Variants in ENPP2 observed in about 807,000 individuals in gnomAD.
The protein encoded by ENPP2 is ectonucleotide pyrophosphatase/phosphodiesterase 2.
ENPP2 carries 51 observed loss-of-function variants against 120.2 expected under a neutral mutation model. That is an observed-to-expected ratio of 0.42 (90% CI 0.34 to 0.54). The LOEUF is 0.54. Ranked by LOEUF, ENPP2 falls within the 20% of genes least tolerant of loss-of-function variation. The pLI is 0.04. For synonymous variants in ENPP2, 365 were observed against 366.4 expected (o/e 1.00, Z 0.04); for missense variants, 920 against 1,066.5 (o/e 0.86, Z 1.91).
chr8:119,584,752 C>G lies in ENPP2; in HGVS notation c.1368-703G>C, dbSNP rs564937836. Among the ~76,000 whole-genome samples the G allele has an allele frequency of 3.3e-5, 5 of 152,286 alleles. No individual in the cohort carries two copies. In the South Asian group the frequency reaches 1.0e-3, roughly 32 times the overall value. On this transcript the variant is annotated intron_variant, in intron 15 of 24. Transcript: ENST00000075322. ...GACCATCTGATCTTTCCTTTTGTGA[C>G]AGAAGACACCTTTTGCAAAAGTGTC...
At chr8:119,600,097 G>T (rs942382877) in intron 11 of ENPP2, among the ~76,000 whole-genome samples, 11 of 152,050 alleles carry the variant, frequency 7.2e-5, no homozygotes, top group Non-Finnish European at 1.5e-4. Context: ...TACTTTGGGG[G>T]GGTGATGACT....
At chr8:119,609,265 C>A (rs1166530519) in intron 8 of ENPP2, among the ~76,000 whole-genome samples, 1 of 152,130 alleles carries the variant, frequency 6.6e-6, no homozygotes, top group African/African-American at 2.4e-5. Flanking sequence ...TCCTCAGCCC[C>A]AAACTAACAG....
At chr8:119,570,423 C>G (rs1025393499) in intron 20 of ENPP2, among the ~76,000 whole-genome samples, 1 of 151,842 alleles carries the variant, frequency 6.6e-6, no homozygotes, top group African/African-American at 2.4e-5. Flanking sequence ...AATAAACAAA[C>G]CTTGGCAGTT....
chr8:119,600,753 A>G lies in ENPP2; in HGVS notation c.900-3T>C. 1.9e-6 allele frequency: 3 copies of G among 1,596,616 alleles called. No individual in the cohort carries two copies. The highest frequency in any genetic ancestry group is 2.2e-5 in the East Asian group (1 of 44,792). On this transcript the variant is annotated splice_polypyrimidine_tract_variant and splice_region_variant and intron_variant, in intron 10 of 24. Coordinates refer to ENST00000075322, the MANE Select transcript of ENPP2 (RefSeq NM_001040092.3). ...AATAGAAGGCATAGACCGAAGGCCT[A>G]TAAGAAAATTGGAAGGTTCAGAATC...
intron 23 of ENPP2, among the ~76,000 whole-genome samples, chr8:119,563,614 AG>A (rs1814151890): frequency 6.6e-6 from 1 of 152,194 alleles, no homozygotes; most frequent in African/African-American, 2.4e-5. Flanking sequence ...TGATGGACCT[AG>A]AGGTATAAAA....
At chr8:119,586,433 A>G in intron 14 of ENPP2, 120 bp from the exon 15 acceptor site, 1 of 784,258 alleles carries the variant, frequency 1.3e-6, no homozygotes, top group Non-Finnish European at 2.1e-6. Flanking sequence ...TGAGTGAATA[A>G]ATGAAATTTA....
At chr8:119,583,184 T>C (rs1587387460) in intron 17 of ENPP2, among the ~76,000 whole-genome samples, 1 of 152,116 alleles carries the variant, frequency 6.6e-6, no homozygotes, top group African/African-American at 2.4e-5. Flanking sequence ...AGGGGACAGC[T>C]AGCAGCCAAG....
At position 119,572,084 on chromosome 8, in the gene ENPP2, T is replaced by A. The variant is rs556167454; in HGVS notation, c.1781-1243A>T. The A allele has an allele frequency of 1.8e-4, 143 of 809,562 alleles. 3 individuals are homozygous for A. In the South Asian group the frequency reaches 2.2e-3, roughly 12 times the overall value. The allele number at this position is 809,562 out of a possible 1,614,324, so 50.1% of individuals were successfully genotyped here. A position where few individuals can be genotyped will look rare whatever the true frequency, so the allele number is the denominator to read the frequency against. On this transcript the variant is annotated intron_variant, in intron 19 of 24. Transcript: ENST00000075322. ...ATCTGACAATATTAAATAAATGAAA[T>A]ATAATAAACAAATAAAACACCAGCA...
At chr8:119,561,780 T>TCTTG (rs1388614330) in intron 24 of ENPP2, among the ~76,000 whole-genome samples, 1 of 149,910 alleles carries the variant, frequency 6.7e-6, no homozygotes, top group Non-Finnish European at 1.5e-5. Context: ...TCTCGCTTGC[T>TCTTG]CTTGCTTTGT....
At chr8:119,665,272 A>G (rs867478467) in intron 1 of ENPP2, among the ~76,000 whole-genome samples, 1 of 152,230 alleles carries the variant, frequency 6.6e-6, no homozygotes. Context: ...AAAGTGGTCA[A>G]ATGGGTTCAC....
chr8:119,647,079 C>T (rs1468127873), intron 1 of ENPP2, among the ~76,000 whole-genome samples: 3 of 151,398 alleles, frequency 2.0e-5, no homozygotes, highest in Non-Finnish European at 4.4e-5. Flanking sequence ...CTCACTGCAA[C>T]CTCCGCCTCC....
intron 13 of ENPP2, 100 bp from the exon 14 acceptor site, chr8:119,587,175 A>G (rs573889096): frequency 2.5e-5 from 23 of 912,918 alleles, no homozygotes; most frequent in Non-Finnish European, 3.7e-5. Flanking sequence ...CTTCCATCCC[A>G]CAGAAGACTA....
intron 22 of ENPP2, among the ~76,000 whole-genome samples, chr8:119,567,754 G>A (rs1814596398): frequency 6.6e-6 from 1 of 152,274 alleles, no homozygotes; most frequent in African/African-American, 2.4e-5. Context: ...TATAGATGCT[G>A]TTAAATATCA....
upstream of ENPP2, among the ~76,000 whole-genome samples, chr8:119,639,059 G>A (rs182834067): frequency 6.6e-6 from 1 of 152,256 alleles, no homozygotes; most frequent in Non-Finnish European, 1.5e-5. Context: ...CTGGCAACAG[G>A]AGGGTTTGTT....
rs539527258 is a variant in ENPP2 at position 119,629,464 on chromosome 8, A to G, written c.137-2744T>C. Among the ~76,000 whole-genome samples the G allele has an allele frequency of 2.6e-5, 4 of 152,318 alleles. No homozygotes were observed. The South Asian group carries it at 8.3e-4, about 32-fold the overall frequency. On this transcript the variant is annotated intron_variant, in intron 2 of 24. Transcript: ENST00000075322. ...TGTCACTTCTAGGTTCACCCAAGCC[A>G]TTTATCTGAACATTCTGCTCATCCC...
At chr8:119,576,074 T>G (rs911812812) in intron 19 of ENPP2, among the ~76,000 whole-genome samples, 8 of 152,204 alleles carry the variant, frequency 5.3e-5, no homozygotes, top group African/African-American at 1.9e-4. Context: ...AAGAAGATGT[T>G]CCCTCTGTAG....
Position 119,568,194 on chromosome 8 carries a change from T to A in ENPP2, c.2112A>T (p.Pro704=). ...ACTTACGTTTGAAAGCAGGATACATTGGAACCATATTGGTTACAAGGAATG... is the reference window on the plus strand; with the variant it reads ...ACTTACGTTTGAAAGCAGGATACATAGGAACCATATTGGTTACAAGGAATG... ...YDAFLVTNMV[P]MYPAFKRVWN... The change falls in exon 22 of 25, where the codon CCA becomes CCT. Residue 704 remains proline, a synonymous_variant. Transcript: ENST00000075322. 6.3e-7 allele frequency: 1 copy of A among 1,584,710 alleles called. No homozygotes were observed. The highest frequency in any genetic ancestry group is 8.7e-7 in the Non-Finnish European group (1 of 1,153,676).
At chr8:119,638,085 A>G (rs906490410) in intron 2 of ENPP2, among the ~76,000 whole-genome samples, 6 of 152,198 alleles carry the variant, frequency 3.9e-5, no homozygotes, top group African/African-American at 1.4e-4. Context: ...GTGACAGCAA[A>G]TCAGATTTGG....
chr8:119,608,074 T>C, intron 8 of ENPP2, 97 bp from the exon 9 acceptor site: 1 of 650,502 alleles, frequency 1.5e-6, no homozygotes. Flanking sequence ...TCTTATACTC[T>C]ACTCACACCC....
Sources: allele counts gnomAD v4.1 joint callset (sites outside exome capture counted in the v4.1 genomes callset), GRCh38; gene constraint gnomAD v4.1.1; transcripts MANE v1.5; gene names NCBI Gene and HGNC (gene_info 2026-07-23, HGNC 2026-07-21).